Variants in RBFOX1 observed in about 807,000 individuals in gnomAD.
RBFOX1 encodes the protein RNA binding fox-1 homolog 1.
In RBFOX1, 8 loss-of-function variants were observed where a neutral mutation model predicts 57.7. The observed-to-expected ratio is 0.14, with a 90% confidence interval of 0.08 to 0.25. The LOEUF is 0.25. Ranked by LOEUF, RBFOX1 falls within the 10% of genes least tolerant of loss-of-function variation. The pLI is 1.00. For missense variants in RBFOX1, 611 were observed against 548.5 expected (o/e 1.11, Z -1.14); for synonymous variants, 326 against 222.4 (o/e 1.47, Z -4.15).
chr16:6,247,158 C>T (rs913787697), intron 1 of RBFOX1, among the ~76,000 whole-genome samples: 4 of 152,200 alleles, frequency 2.6e-5, no homozygotes, highest in African/African-American at 9.7e-5. Flanking sequence ...GATATAGCTA[C>T]TATAACAATT....
intron 1 of RBFOX1, among the ~76,000 whole-genome samples, chr16:5,319,512 C>G (rs114363155): frequency 6.6e-6 from 1 of 152,174 alleles, no homozygotes; most frequent in Admixed American, 6.5e-5. Context: ...CAGGAGCCAT[C>G]TCCAAGAATC....
At chr16:5,663,251 C>T (rs1197733917) in intron 3 of RBFOX1, among the ~76,000 whole-genome samples, 2 of 152,152 alleles carry the variant, frequency 1.3e-5, no homozygotes, top group East Asian at 3.8e-4. Context: ...TGTTCTGTCA[C>T]CCGGGCTGGA....
At chr16:5,258,761 C>G (rs1248642353) in intron 1 of RBFOX1, among the ~76,000 whole-genome samples, 1 of 152,026 alleles carries the variant, frequency 6.6e-6, no homozygotes. Flanking sequence ...ATTAAACATA[C>G]AAAAATTAGC....
chr16:6,305,158 A>T (rs2079343047), intron 1 of RBFOX1, among the ~76,000 whole-genome samples: 1 of 152,216 alleles, frequency 6.6e-6, no homozygotes, highest in African/African-American at 2.4e-5. Flanking sequence ...ACGGGTAGTC[A>T]TAAGCATGTG....
intron 3 of RBFOX1, among the ~76,000 whole-genome samples, chr16:6,988,577 T>A (rs150816461): frequency 0.011 from 1,652 of 151,576 alleles, 36 homozygotes; most frequent in African/African-American, 0.037. Context: ...AATTTTATTT[T>A]ATTTTATTTA....
At chr16:6,943,764 C>G (rs1474000982) in intron 3 of RBFOX1, among the ~76,000 whole-genome samples, 1 of 151,604 alleles carries the variant, frequency 6.6e-6, no homozygotes, top group South Asian at 2.1e-4. Flanking sequence ...CTTGGCCAAT[C>G]CCAGCAGCTG....
intron 12 of RBFOX1, among the ~76,000 whole-genome samples, chr16:7,658,206 C>T (rs1264576616): frequency 6.6e-6 from 1 of 152,174 alleles, no homozygotes; most frequent in Non-Finnish European, 1.5e-5. Flanking sequence ...CAACATCCCC[C>T]TTTTGCTTGT....
chr16:5,870,337 A>C (rs1284061030), intron 4 of RBFOX1, among the ~76,000 whole-genome samples: 1 of 149,938 alleles, frequency 6.7e-6, no homozygotes, highest in Non-Finnish European at 1.5e-5. Flanking sequence ...CTCTACAATG[A>C]AAACGTGTGC....
At chr16:7,457,805 G>C (rs1022518973) in intron 4 of RBFOX1, among the ~76,000 whole-genome samples, 2 of 151,116 alleles carry the variant, frequency 1.3e-5, no homozygotes, top group Non-Finnish European at 2.9e-5. Flanking sequence ...ACACCAAGCA[G>C]CCAAAGTTGT....
intron 2 of RBFOX1, among the ~76,000 whole-genome samples, chr16:5,472,806 C>T (rs1415075476): frequency 6.6e-6 from 1 of 152,206 alleles, no homozygotes; most frequent in Non-Finnish European, 1.5e-5. Context: ...GATTTGCCAT[C>T]TGATCCTCCA....
At chr16:5,992,127 A>G (rs570585312) in intron 4 of RBFOX1, among the ~76,000 whole-genome samples, 1 of 152,204 alleles carries the variant, frequency 6.6e-6, no homozygotes, top group African/African-American at 2.4e-5. Flanking sequence ...GAATTAGACT[A>G]CATTTACCTT....
At chr16:5,877,412 G>T (rs1186236728) in intron 4 of RBFOX1, among the ~76,000 whole-genome samples, 1 of 152,254 alleles carries the variant, frequency 6.6e-6, no homozygotes, top group Non-Finnish European at 1.5e-5. Flanking sequence ...ATAGAAGTGG[G>T]TTCAAGGGGG....
At chr16:6,899,230 C>T (rs943078851) in intron 3 of RBFOX1, among the ~76,000 whole-genome samples, 157 of 151,408 alleles carry the variant, frequency 1.0e-3, no homozygotes, top group African/African-American at 3.1e-3. Flanking sequence ...TGTGTGGATG[C>T]GTGTCCATGT....
At chr16:7,256,862 A>G (rs777367175) in intron 4 of RBFOX1, among the ~76,000 whole-genome samples, 27 of 152,022 alleles carry the variant, frequency 1.8e-4, no homozygotes, top group Non-Finnish European at 3.2e-4. Flanking sequence ...TCACTTCCCT[A>G]TCCCCACTAG....
At chr16:6,695,876 T>C (rs1460358993) in intron 3 of RBFOX1, among the ~76,000 whole-genome samples, 10 of 152,180 alleles carry the variant, frequency 6.6e-5, no homozygotes, top group Admixed American at 5.9e-4. Flanking sequence ...AACATCTCCA[T>C]ATGGCCGTGA....
Position 5,362,503 on chromosome 16 carries a change from C to G in RBFOX1, c.220-104713C>G, listed in dbSNP as rs555757084. ...TCAGTCTCCCGAGTAGCTGGGATTACAGGCATGCGCCAACACGCTTGGCTA... is the reference window on the plus strand; with the variant it reads ...TCAGTCTCCCGAGTAGCTGGGATTAGAGGCATGCGCCAACACGCTTGGCTA... On this transcript the variant is annotated intron_variant, in intron 1 of 2. Transcript: ENST00000585867. 6.1e-4 allele frequency among the ~76,000 whole-genome samples: 93 copies of G among 152,196 alleles called. 1 individual carries two copies. Among genetic ancestry groups the G allele is most frequent in the Non-Finnish European group, 1.9e-4 (13 of 68,028 alleles).
chr16:7,650,485 C>G (rs960572755), intron 11 of RBFOX1, among the ~76,000 whole-genome samples: 1 of 152,140 alleles, frequency 6.6e-6, no homozygotes. Context: ...AATATCCTGC[C>G]TCAGGAAATC....
intron 1 of RBFOX1, among the ~76,000 whole-genome samples, chr16:6,191,653 C>A (rs1011052051): frequency 6.6e-6 from 1 of 152,066 alleles, no homozygotes; most frequent in East Asian, 1.9e-4. Context: ...TTTTTTGTTG[C>A]ATGGTCCAAA....
At chr16:6,575,008 A>T (rs1257196631) in intron 2 of RBFOX1, among the ~76,000 whole-genome samples, 3 of 149,102 alleles carry the variant, frequency 2.0e-5, no homozygotes. Context: ...ACTGCACTCC[A>T]GCTTGGGGGA....
Sources: allele counts gnomAD v4.1 joint callset (sites outside exome capture counted in the v4.1 genomes callset), GRCh38; gene constraint gnomAD v4.1.1; transcripts MANE v1.5; gene names NCBI Gene and HGNC (gene_info 2026-07-23, HGNC 2026-07-21).